Variants in ABCC12 observed in about 807,000 individuals in gnomAD.
ABCC12 encodes ATP binding cassette subfamily C member 12.
In ABCC12, 142 loss-of-function variants were observed where a neutral mutation model predicts 151.1. The observed-to-expected ratio is 0.94, with a 90% CI of 0.82 to 1.08. The LOEUF is 1.08. Among genes scored for constraint, ABCC12 ranks in the 50% least tolerant of loss-of-function variants. The pLI, the probability that ABCC12 is intolerant of heterozygous loss-of-function variation, is 0.00. For missense variants in ABCC12, 1,638 were observed against 1,691.1 expected (o/e 0.97, Z 0.55); for synonymous variants, 645 against 646.4 (o/e 1.00, Z 0.03).
chr16:48,091,063 T>G lies in ABCC12; in HGVS notation c.3285+57A>C, dbSNP rs1962864037. 1.2e-5 allele frequency: 18 copies of G among 1,538,598 alleles called. No individual in the cohort carries two copies. The South Asian group carries it at 2.0e-4, about 17-fold the overall frequency. On this transcript the variant is annotated intron_variant, in intron 25 of 30. Coordinates refer to ENST00000311303, the MANE Select transcript of ABCC12 (RefSeq NM_001393797.1). ...TTCGCATCTAAAAAGATCCAGTATTTGCCCAAGTCCTGCCAAAATTAACTT... is the reference window on the plus strand; with the variant it reads ...TTCGCATCTAAAAAGATCCAGTATTGGCCCAAGTCCTGCCAAAATTAACTT...
At chr16:48,116,896 A>G (rs2150627739) in intron 14 of ABCC12, among the ~76,000 whole-genome samples, 1 of 152,286 alleles carries the variant, frequency 6.6e-6, no homozygotes, top group East Asian at 1.9e-4. Context: ...GGTGACCCCC[A>G]TACTCCTGGC....
chr16:48,141,084 C>A, intron 5 of ABCC12, 122 bp downstream of exon 5: 1 of 1,451,292 alleles, frequency 6.9e-7, no homozygotes, highest in Non-Finnish European at 9.2e-7. Context: ...AAAATTCGCC[C>A]CCAAGGAGCG....
At chr16:48,133,655 T>A (rs1437557930) in intron 9 of ABCC12, 32 bp downstream of exon 9, 1 of 1,609,382 alleles carries the variant, frequency 6.2e-7, no homozygotes, top group Admixed American at 1.7e-5. Flanking sequence ...GGTCAGGTTG[T>A]GAAAGAGCCT....
intron 19 of ABCC12, among the ~76,000 whole-genome samples, chr16:48,107,818 A>G (rs1056586416): frequency 6.6e-6 from 1 of 152,184 alleles, no homozygotes; most frequent in Non-Finnish European, 1.5e-5. Context: ...CCTGGCCAAC[A>G]TGGTGAAACC....
rs765476775 is a variant in ABCC12 at position 48,088,680 on chromosome 16, A to T, written c.3340T>A (p.Trp1114Arg). The stretch of plus-strand genomic sequence containing the variant: ...AAGGTGATCTCCCCACGGCTGGGCC[A>T]GTCCTTGGGACAGGTCCCCACTTTG... The part of the protein sequence containing the change: ...PLKVGTCPKD[W>R]PSRGEITFRD... Residue 1114 changes from tryptophan (W) to arginine (R), a missense_variant, in exon 26 of 31, where the codon TGG becomes AGG. Physicochemically the swap from Trp to Arg is moderately radical, Grantham distance 101. Coordinates refer to ENST00000311303, the MANE Select transcript of ABCC12 (RefSeq NM_001393797.1). 1 of 1,614,190 alleles carries T rather than the reference A, an allele frequency of 6.2e-7. No individual in the cohort carries two copies. The highest frequency in any genetic ancestry group is 8.5e-7 in the Non-Finnish European group (1 of 1,180,000).
chr16:48,133,794 A>T lies in ABCC12; in HGVS notation c.1021T>A (p.Phe341Ile). 1.2e-6 allele frequency: 2 copies of T among 1,614,152 alleles called. No individual in the cohort carries two copies. Among genetic ancestry groups the T allele is most frequent in the Non-Finnish European group, 1.7e-6 (2 of 1,180,028 alleles). Residue 341 changes from phenylalanine to isoleucine, a missense_variant, in exon 9 of 31, where the codon TTT becomes ATT. Transcript: ENST00000311303. Reference sequence around the variant, plus strand: ...AGGGCAGAGTTTCCACTTTGGACAAATCCAGCTTTTTCCAGTAATTTTCTT... The same window carrying T: ...AGGGCAGAGTTTCCACTTTGGACAATTCCAGCTTTTTCCAGTAATTTTCTT... Reference protein sequence around the residue: ...RERKLLEKAGFVQSGNSALAP... With the variant: ...RERKLLEKAGIVQSGNSALAP...
At chr16:48,126,268 T>C (rs1187619337) in intron 11 of ABCC12, among the ~76,000 whole-genome samples, 1 of 152,198 alleles carries the variant, frequency 6.6e-6, no homozygotes, top group Non-Finnish European at 1.5e-5. Flanking sequence ...TATCCACTTC[T>C]TGGGGCCAAG....
intron 8 of ABCC12, among the ~76,000 whole-genome samples, chr16:48,137,463 G>A (rs1964648641): frequency 6.6e-6 from 1 of 152,166 alleles, no homozygotes. Flanking sequence ...ATGTGTTTCT[G>A]GGTTTTCAAA....
intron 22 of ABCC12, 109 bp from the exon 23 acceptor site, chr16:48,101,118 G>A: frequency 2.3e-6 from 3 of 1,300,684 alleles, no homozygotes; most frequent in Non-Finnish European, 3.1e-6. Context: ...TTAAGTCAGA[G>A]ACGGTGCCAT....
intron 22 of ABCC12, among the ~76,000 whole-genome samples, chr16:48,102,151 T>C (rs1309681754): frequency 1.3e-5 from 2 of 152,074 alleles, no homozygotes; most frequent in Non-Finnish European, 1.5e-5. Flanking sequence ...GATGTACCTT[T>C]GATTAGTCCC....
At chr16:48,120,625 G>A (rs1468492044) in intron 13 of ABCC12, among the ~76,000 whole-genome samples, 3 of 149,588 alleles carry the variant, frequency 2.0e-5, no homozygotes, top group Non-Finnish European at 4.4e-5. Context: ...GCATGATCTC[G>A]GCTCACTGCA....
rs372590086 is a variant in ABCC12 at position 48,117,243 on chromosome 16, G to A, written c.1785+18C>T. ...CTGTGTGCAGCTACAGTGGGCTTGC[G>A]CTCCCAGCCCCGCTCACCTCAGTCA... On this transcript the variant is annotated intron_variant, in intron 14 of 30. Transcript: ENST00000311303. 65 of 1,610,700 alleles carry A rather than the reference G, an allele frequency of 4.0e-5. No individual in the cohort carries two copies. The highest frequency in any genetic ancestry group is 3.3e-4 in the Middle Eastern group (2 of 6,052).
intron 24 of ABCC12, among the ~76,000 whole-genome samples, chr16:48,096,127 C>T (rs1239443403): frequency 2.6e-5 from 4 of 152,038 alleles, no homozygotes; most frequent in African/African-American, 4.8e-5. Flanking sequence ...CAATCAATGC[C>T]GTATGTTCAC....
chr16:48,136,623 T>G (rs1964619542), intron 8 of ABCC12, among the ~76,000 whole-genome samples: 1 of 152,106 alleles, frequency 6.6e-6, no homozygotes, highest in African/African-American at 2.4e-5. Flanking sequence ...TGTTGAGTGA[T>G]CTGAAAGAAA....
At chr16:48,102,792 G>A (rs1446042130) in intron 22 of ABCC12, among the ~76,000 whole-genome samples, 1 of 152,112 alleles carries the variant, frequency 6.6e-6, no homozygotes, top group African/African-American at 2.4e-5. Context: ...TTCTCCTCCT[G>A]CACCACACGT....
Position 48,096,889 on chromosome 16 carries a change from A to T in ABCC12, c.3052T>A (p.Phe1018Ile). ...GCAAACCACCTGAGAGCACAGTTAAAGTAGAGGAGGTGACTGGAGTTTTCG... is the reference window on the plus strand; with the variant it reads ...GCAAACCACCTGAGAGCACAGTTAATGTAGAGGAGGTGACTGGAGTTTTCG... ...ESCITYHLLYFNCALRWFALR... is the reference protein window; with the variant it reads ...ESCITYHLLYINCALRWFALR... The change falls in exon 24 of 31, where the codon TTT (phenylalanine) becomes ATT (isoleucine). Residue 1018 changes from phenylalanine (F) to isoleucine (I), a missense_variant. Phe to Ile is a conservative substitution (Grantham distance 21). Coordinates refer to ENST00000311303, the MANE Select transcript of ABCC12 (RefSeq NM_001393797.1). The T allele has an allele frequency of 6.2e-7, 1 of 1,614,164 alleles. No homozygotes were observed. Among genetic ancestry groups the T allele is most frequent in the Non-Finnish European group, 8.5e-7 (1 of 1,180,036 alleles).
At chr16:48,111,412 A>G in intron 18 of ABCC12, 24 bp downstream of exon 18, 1 of 1,607,192 alleles carries the variant, frequency 6.2e-7, no homozygotes. Flanking sequence ...AGTGTATGTG[A>G]CTGAGGGGAT....
At chr16:48,130,494 A>G (rs536328727) in intron 10 of ABCC12, among the ~76,000 whole-genome samples, 6 of 152,160 alleles carry the variant, frequency 3.9e-5, no homozygotes, top group South Asian at 2.1e-4. Context: ...AACAAAACCA[A>G]CCTCACTTGT....
intron 15 of ABCC12, among the ~76,000 whole-genome samples, chr16:48,112,150 C>A (rs995238637): frequency 6.6e-6 from 1 of 152,110 alleles, no homozygotes; most frequent in African/African-American, 2.4e-5. Flanking sequence ...TTGCCAAGTG[C>A]CTCCTGGGGG....
Sources: allele counts gnomAD v4.1 joint callset (sites outside exome capture counted in the v4.1 genomes callset), GRCh38; gene constraint gnomAD v4.1.1; transcripts MANE v1.5; gene names NCBI Gene and HGNC (gene_info 2026-07-23, HGNC 2026-07-21).